Variants in SNPH observed in about 807,000 individuals in gnomAD.
SNPH encodes the protein syntaphilin.
Under a neutral mutation model 36.8 loss-of-function variants are expected in SNPH, and 10 were observed. That is an observed-to-expected ratio of 0.27 (90% CI 0.17 to 0.46). The LOEUF is 0.46. SNPH is among the 20% of genes least tolerant of loss of function. The pLI is 1.00. For missense variants in SNPH, 622 were observed against 744.0 expected, an observed-to-expected ratio of 0.84 and a Z score of 1.91; for synonymous variants, 281 against 312.2, an observed-to-expected ratio of 0.90 and a Z score of 1.05.
chr20:1,266,399 T>C lies in SNPH; in HGVS notation c.-600+2T>C. On this transcript the variant is annotated splice_donor_variant, in intron 1 of 6. Coordinates refer to ENST00000381867, the MANE Select transcript of SNPH (RefSeq NM_001318234.2). LOFTEE classifies it low-confidence loss of function (5UTR_SPLICE). This position sits in a 1 kb window ranked among gnomAD's most constrained non-coding sequence, Gnocchi z 6.0. ...CTGAAGCCATGGAAGCCTCCGCAGG[T>C]GATGACAAGGACCCCGGGGATCTCC... 1 of 412,408 alleles carries C rather than the reference T, an allele frequency of 2.4e-6. No homozygotes were observed. Among genetic ancestry groups the C allele is most frequent in the East Asian group, 4.2e-5 (1 of 23,874 alleles). 25.5% of individuals were successfully genotyped at this position (412,408 alleles called of 1,614,324 possible).
chr20:1,282,561 G>A (rs976647305), intron 2 of SNPH, among the ~76,000 whole-genome samples: 2 of 152,140 alleles, frequency 1.3e-5, no homozygotes, highest in Non-Finnish European at 2.9e-5. Context: ...ATTAATCAGT[G>A]GTTTGAGTAG....
In SNPH at chr20:1,304,891, G is replaced by A; in HGVS notation, c.454G>A (p.Asp152Asn). 1 of 1,613,052 alleles carries A rather than the reference G, an allele frequency of 6.2e-7. No individual in the cohort carries two copies. The highest frequency in any genetic ancestry group is 2.2e-5 in the East Asian group (1 of 44,866). Residue 152 changes from aspartate (D) to asparagine (N), a missense_variant, in exon 7 of 7, where the codon GAT becomes AAT. Physicochemically the swap from Asp to Asn is conservative, Grantham distance 23. This residue lies in a region of SNPH where 56 missense variants were observed against 106.6 expected (regional missense o/e 0.53). Transcript: ENST00000381867. This position sits in a 1 kb window ranked among gnomAD's most constrained non-coding sequence, Gnocchi z 4.3. ...CTCGGCTCGCAGGGACACAGAGATTGATGACCTGAAGACGCAGCTGTCACG... is the reference window on the plus strand; with the variant it reads ...CTCGGCTCGCAGGGACACAGAGATTAATGACCTGAAGACGCAGCTGTCACG... ...DRLQDRDTEI[D>N]DLKTQLSRMQ... is the part of the protein sequence containing the mutation.
chr20:1,298,802 A>C (rs2088469787), intron 5 of SNPH, among the ~76,000 whole-genome samples: 1 of 59,864 alleles, frequency 1.7e-5, no homozygotes, highest in Admixed American at 2.0e-4. Context: ...TTTTTTTCTA[A>C]TTTGTGTGTG....
intron 6 of SNPH, among the ~76,000 whole-genome samples, chr20:1,302,942 C>T (rs995104730): frequency 6.6e-6 from 1 of 152,236 alleles, no homozygotes; most frequent in South Asian, 2.1e-4. Flanking sequence ...GAGCAGATGG[C>T]CCATCTCCCA....
intron 5 of SNPH, among the ~76,000 whole-genome samples, chr20:1,298,237 C>T (rs2088463416): frequency 6.6e-6 from 1 of 152,246 alleles, no homozygotes; most frequent in Non-Finnish European, 1.5e-5. Context: ...TTGATATCTA[C>T]ACACCGCCTG....
At chr20:1,270,099 T>C (rs1281282907) in intron 2 of SNPH, among the ~76,000 whole-genome samples, 1 of 152,250 alleles carries the variant, frequency 6.6e-6, no homozygotes, top group African/African-American at 2.4e-5. Context: ...ATGATCTGCA[T>C]GCATCTACTG....
chr20:1,270,468 G>A (rs76271720), intron 2 of SNPH, among the ~76,000 whole-genome samples: 9,219 of 152,192 alleles, frequency 0.061, 382 homozygotes, highest in South Asian at 0.1. Flanking sequence ...TTGAGCTTGT[G>A]AATAATAATT....
In SNPH at chr20:1,296,434, C is replaced by A. The variant is rs374707099; in HGVS notation, c.182+13C>A. 4.4e-6 allele frequency: 7 copies of A among 1,587,230 alleles called. No homozygotes were observed. In the Admixed American group the frequency reaches 5.4e-5, roughly 12 times the overall value. ...CTGGATCACGCAGGTGAGTCTCCCC[C>A]TCGCTCACAGCCTAGGCTTCGGAGG... On this transcript the variant is annotated intron_variant, in intron 4 of 6. Transcript: ENST00000381867.
chr20:1,293,805 G>A (rs1310461401), intron 2 of SNPH, among the ~76,000 whole-genome samples: 1 of 152,212 alleles, frequency 6.6e-6, no homozygotes. Flanking sequence ...AAGGAAGAGG[G>A]AACTCAAGAG....
intron 5 of SNPH, among the ~76,000 whole-genome samples, chr20:1,299,700 G>T (rs912104): frequency 0.29 from 43,865 of 152,184 alleles, 6,750 homozygotes; most frequent in East Asian, 0.43. Flanking sequence ...GTGTTCACGT[G>T]TGTGCTCCCA....
chr20:1,300,274 C>T (rs1035922531), intron 5 of SNPH, among the ~76,000 whole-genome samples: 7 of 152,200 alleles, frequency 4.6e-5, no homozygotes, highest in African/African-American at 1.4e-4. Context: ...AAGTGCTTGG[C>T]CTGGTTCCAG....
In SNPH at chr20:1,305,601, A is replaced by G. The variant is rs1323500061; in HGVS notation, c.1164A>G (p.Ser388=). ...QAQVCGTDPE[S]GDRCPELDAH... The stretch of plus-strand genomic sequence containing the variant: ...AGGTCTGTGGGACAGACCCTGAGTC[A>G]GGGGACAGGTGCCCAGAGCTGGATG... Residue 388 remains serine (S), a synonymous_variant, in exon 7 of 7, where the codon TCA becomes TCG. Transcript: ENST00000381867. 5.0e-6 allele frequency: 8 copies of G among 1,613,564 alleles called. No homozygotes were observed. The highest frequency in any genetic ancestry group is 5.9e-6 in the Non-Finnish European group (7 of 1,180,022).
At chr20:1,271,023 C>G (rs1483223705) in intron 2 of SNPH, among the ~76,000 whole-genome samples, 2 of 152,236 alleles carry the variant, frequency 1.3e-5, no homozygotes, top group Non-Finnish European at 2.9e-5. Context: ...AGGCTGAGGC[C>G]TGTGCACCCC....
intron 2 of SNPH, among the ~76,000 whole-genome samples, chr20:1,270,741 C>T (rs1450480180): frequency 6.6e-6 from 1 of 152,176 alleles, no homozygotes; most frequent in Non-Finnish European, 1.5e-5. Flanking sequence ...ATCTGATAGG[C>T]TTGGGGAATT....
At chr20:1,274,415 C>T (rs1172423385) in intron 2 of SNPH, among the ~76,000 whole-genome samples, 2 of 151,454 alleles carry the variant, frequency 1.3e-5, no homozygotes, top group East Asian at 1.9e-4. Context: ...GAGCTGGCAC[C>T]TCATCTCTGG....
chr20:1,305,473 G>T lies in SNPH; in HGVS notation c.1036G>T (p.Ala346Ser), dbSNP rs778421328. 1.2e-6 allele frequency: 2 copies of T among 1,613,264 alleles called. No individual in the cohort carries two copies. The highest frequency in any genetic ancestry group is 1.1e-5 in the South Asian group (1 of 91,090). Residue 346 changes from alanine (A) to serine (S), a missense_variant, in exon 7 of 7, where the codon GCT becomes TCT. Physicochemically the swap from Ala to Ser is moderately conservative, Grantham distance 99 (BLOSUM62 1). Around this residue, in one of 3 missense-constraint regions of SNPH, gnomAD observed 379 missense variants for 427.9 expected, o/e 0.89. Transcript: ENST00000381867. ...TGAGAAGCTGCTGTGTGGCATGGAG[G>T]CTGGTGTGCAGGCCAGCTGCATGCA... ...TYEKLLCGME[A>S]GVQASCMQER...
chr20:1,298,982 C>T (rs2088473944), intron 5 of SNPH, among the ~76,000 whole-genome samples: 1 of 151,722 alleles, frequency 6.6e-6, no homozygotes, highest in Non-Finnish European at 1.5e-5. Flanking sequence ...TCAATCCTTA[C>T]TAGTTTAGCT....
intron 2 of SNPH, among the ~76,000 whole-genome samples, chr20:1,288,720 C>T (rs2088314608): frequency 6.6e-6 from 1 of 151,342 alleles, no homozygotes; most frequent in East Asian, 1.9e-4. Context: ...CTCCCAGGCT[C>T]AAGATATTCT....
rs1424209505 is a variant in SNPH, at chr20:1,308,556, C to T, written c.*2502C>T. On this transcript the variant is annotated 3_prime_UTR_variant, in exon 7 of 7. Transcript: ENST00000381867. ...GAGGCTCCAGGCGGTGGAGGTGCGG[C>T]AGCTGCTGCTCAGGTGCCATGCCCT... 6.5e-6 allele frequency: 1 copy of T among 152,672 alleles called. No homozygotes were observed. Among genetic ancestry groups the T allele is most frequent in the East Asian group, 1.9e-4 (1 of 5,194 alleles). The allele number at this position is 152,672 out of a possible 1,614,324, so 9.5% of individuals were successfully genotyped here.
Sources: allele counts gnomAD v4.1 joint callset (sites outside exome capture counted in the v4.1 genomes callset), GRCh38; gene constraint gnomAD v4.1.1; regional missense constraint gnomAD v4.1.1; non-coding constraint Gnocchi (gnomAD v3.1); transcripts MANE v1.5; gene names NCBI Gene and HGNC (gene_info 2026-07-23, HGNC 2026-07-21).